Variants in KIAA2012 observed in about 807,000 individuals in gnomAD.
KIAA2012 encodes the protein KIAA2012.
Under a neutral mutation model 150.6 loss-of-function variants are expected in KIAA2012, and 125 were observed. That is an observed-to-expected ratio of 0.83 (90% confidence interval 0.72 to 0.96). The LOEUF is 0.96. Among genes scored for constraint, KIAA2012 ranks in the 40% least tolerant of loss-of-function variants. The probability of loss-of-function intolerance (pLI) is 0.00; values close to 1 mark genes in which losing one functional copy is unlikely to be tolerated. For synonymous variants in KIAA2012, 462 were observed against 504.7 expected (o/e 0.92, Z 1.13); for missense variants, 1,219 against 1,354.9 (o/e 0.90, Z 1.57).
In KIAA2012 at chr2:202,093,190, G is replaced by A. The variant is rs150635508; in HGVS notation, c.685+5G>A. 1.1e-4 allele frequency: 168 copies of A among 1,550,614 alleles called. No individual in the cohort carries two copies. The highest frequency in any genetic ancestry group is 5.2e-4 in the African/African-American group (38 of 73,164). On this transcript the variant is annotated splice_donor_5th_base_variant and intron_variant, in intron 4 of 23. Transcript: ENST00000498697. ...AAGGAAAATCTTTTGAACAACGTAC[G>A]TGTTGATTTACATGTTGATTTTATG...
intron 12 of KIAA2012, among the ~76,000 whole-genome samples, chr2:202,129,411 G>A (rs1319426678): frequency 6.6e-6 from 1 of 151,892 alleles, no homozygotes; most frequent in Non-Finnish European, 1.5e-5. Context: ...GTAGAGATAG[G>A]GTCTCACCAT....
chr2:202,141,733 G>A (rs1337505618), intron 13 of KIAA2012, among the ~76,000 whole-genome samples: 2 of 152,132 alleles, frequency 1.3e-5, no homozygotes, highest in African/African-American at 4.8e-5. Context: ...TAGTTCCCGG[G>A]ATACTTTCAG....
chr2:202,194,208 C>G lies in KIAA2012; in HGVS notation c.3033C>G (p.Leu1011=). 1 of 1,550,582 alleles carries G rather than the reference C, an allele frequency of 6.4e-7. No individual in the cohort carries two copies. Among genetic ancestry groups the G allele is most frequent in the Admixed American group, 2.0e-5 (1 of 50,988 alleles). ...TTCTCAGCTTGAGGAAACAGAGACT[C>G]CAAGAAGAACAGCAGCGGCAGGAGG... ...TEEIRLRKQR[L]QEEQQRQEEE... The change falls in exon 21 of 24, where the codon CTC becomes CTG. Residue 1011 remains leucine, a synonymous_variant. Transcript: ENST00000498697.
intron 12 of KIAA2012, among the ~76,000 whole-genome samples, chr2:202,131,575 T>C (rs1054025626): frequency 2.6e-5 from 4 of 152,224 alleles, no homozygotes; most frequent in African/African-American, 9.6e-5. Context: ...TGCCTTAAAG[T>C]AGTCCACAGG....
chr2:202,194,292 G>A lies in KIAA2012; in HGVS notation c.3117G>A (p.Gln1039=). 1 of 1,550,618 alleles carries A rather than the reference G, an allele frequency of 6.4e-7. No homozygotes were observed. Among genetic ancestry groups the A allele is most frequent in the Non-Finnish European group, 8.7e-7 (1 of 1,146,996 alleles). ...LKAAQERARQ[Q]QEEFRRKLRE... The stretch of plus-strand genomic sequence containing the variant: ...CAGCCCAGGAGAGAGCCCGGCAACA[G>A]CAAGAGGAGTTTCGGAGGAAACTGC... Residue 1039 remains glutamine (Q), a synonymous_variant, in exon 21 of 24, where the codon CAG becomes CAA. Transcript: ENST00000498697.
At chr2:202,125,802 C>T (rs1303912338) in intron 12 of KIAA2012, 1 of 442,736 alleles carries the variant, frequency 2.3e-6, no homozygotes, top group Non-Finnish European at 4.5e-6. Context: ...TATAGGTTGA[C>T]TTTGTAGCTC....
intron 2 of KIAA2012, among the ~76,000 whole-genome samples, chr2:202,086,869 A>G (rs945220296): frequency 2.0e-5 from 3 of 152,138 alleles, no homozygotes; most frequent in African/African-American, 7.2e-5. Context: ...TTATCAATCC[A>G]TCTTGATCAT....
At chr2:202,125,375 A>G (rs1478695767) in intron 12 of KIAA2012, 93 bp downstream of exon 12, 5 of 915,406 alleles carry the variant, frequency 5.5e-6, no homozygotes, top group Non-Finnish European at 6.8e-6. Context: ...GAAACCCACA[A>G]TTTCTCCCCA....
chr2:202,166,496 T>A (rs552012904), intron 15 of KIAA2012, among the ~76,000 whole-genome samples: 122 of 152,036 alleles, frequency 8.0e-4, no homozygotes, highest in African/African-American at 2.5e-3. Flanking sequence ...CTACAAAAAA[T>A]TTTAAAAATT....
At chr2:202,179,432 G>A in intron 15 of KIAA2012, 1 of 725,266 alleles carries the variant, frequency 1.4e-6, no homozygotes. Context: ...TGTGGTATTA[G>A]CAACCGAGAA....
In KIAA2012 at chr2:202,075,131, C is replaced by T; in HGVS notation, c.325C>T (p.Leu109Phe). 5.8e-6 allele frequency: 9 copies of T among 1,549,430 alleles called. No homozygotes were observed. The highest frequency in any genetic ancestry group is 7.0e-6 in the Non-Finnish European group (8 of 1,146,778). ...GAAGCTGGATCTTGAACTGCACACACTTCAAGACCTCAAAGAAGCCATCCT... is the reference window on the plus strand; with the variant it reads ...GAAGCTGGATCTTGAACTGCACACATTTCAAGACCTCAAAGAAGCCATCCT... ...WRKLDLELHT[L>F]QDLKEAILAY... is the part of the protein sequence containing the mutation. The change falls in exon 2 of 24, where the codon CTT becomes TTT. Residue 109 changes from leucine (L) to phenylalanine (F), a missense_variant. Leu to Phe is a conservative substitution (Grantham distance 22). Transcript: ENST00000498697.
chr2:202,109,866 G>A (rs1198184950), intron 10 of KIAA2012, 77 bp downstream of exon 10: 2 of 1,334,426 alleles, frequency 1.5e-6, no homozygotes, highest in African/African-American at 3.0e-5. Context: ...TGGCTGCTAT[G>A]ATGTAAGTTT....
chr2:202,198,067 G>A (rs1438050857), intron 22 of KIAA2012, among the ~76,000 whole-genome samples: 2 of 151,388 alleles, frequency 1.3e-5, no homozygotes, highest in East Asian at 1.9e-4. Flanking sequence ...CCAGCTACTC[G>A]GGAGGCTGAG....
At chr2:202,095,311 A>C (rs1689840693) in intron 4 of KIAA2012, among the ~76,000 whole-genome samples, 1 of 152,232 alleles carries the variant, frequency 6.6e-6, no homozygotes, top group Non-Finnish European at 1.5e-5. Context: ...CTCTTTGCCC[A>C]ACACTTTATC....
At chr2:202,197,112 A>G in intron 22 of KIAA2012, 93 bp downstream of exon 22, 1 of 1,525,226 alleles carries the variant, frequency 6.6e-7, no homozygotes, top group Non-Finnish European at 8.8e-7. Context: ...CCTTTAGACA[A>G]GAAAAGTCCC....
At chr2:202,172,933 C>G (rs766667059) in intron 15 of KIAA2012, among the ~76,000 whole-genome samples, 2 of 152,240 alleles carry the variant, frequency 1.3e-5, no homozygotes, top group Non-Finnish European at 2.9e-5. Context: ...CTGCAGCCTG[C>G]AGTACTAGGT....
At chr2:202,125,140 T>C in intron 11 of KIAA2012, 74 bp from the exon 12 acceptor site, 1 of 1,203,120 alleles carries the variant, frequency 8.3e-7, no homozygotes, top group African/African-American at 1.5e-5. Flanking sequence ...TGTTTTCCCC[T>C]GTCTTCGGAT....
chr2:202,100,330 C>CA lies in KIAA2012; in HGVS notation c.1037dup (p.His346GlnfsTer15). On this transcript the variant is annotated frameshift_variant, in exon 7 of 24. Transcript: ENST00000498697. LOFTEE classifies it high-confidence loss of function. ...AGATAAACAAAGGAACGTGAAACTC[C>CA]ACAAGGCCAGAAGCAGCCACTTGTT... is the stretch of plus-strand genomic sequence containing the variant. 1 of 1,550,474 alleles carries CA rather than the reference C, an allele frequency of 6.4e-7. No homozygotes were observed. Among genetic ancestry groups the CA allele is most frequent in the Non-Finnish European group, 8.7e-7 (1 of 1,146,920 alleles).
At position 202,154,775 on chromosome 2, in the gene KIAA2012, CGCAAGCT is replaced by C; in HGVS notation, c.2015_2021del (p.Lys672ThrfsTer4). ...TTCAAACAGAAAAGAATTTTACACG[CGCAAGCT>C]GCACATCGACATGACGCCGTTCCTG... On this transcript the variant is annotated frameshift_variant, in exon 14 of 24. Coordinates refer to ENST00000498697, the MANE Select transcript of KIAA2012 (RefSeq NM_001277372.4). LOFTEE classifies it high-confidence loss of function. 1 of 1,549,556 alleles carries C rather than the reference CGCAAGCT, an allele frequency of 6.5e-7. No homozygotes were observed. Among genetic ancestry groups the C allele is most frequent in the Non-Finnish European group, 8.7e-7 (1 of 1,146,794 alleles).
Sources: allele counts gnomAD v4.1 joint callset (sites outside exome capture counted in the v4.1 genomes callset), GRCh38; gene constraint gnomAD v4.1.1; transcripts MANE v1.5; gene names NCBI Gene and HGNC (gene_info 2026-07-23, HGNC 2026-07-21).